Variants in DYNC2I1 observed in about 807,000 individuals in gnomAD.
DYNC2I1 encodes dynein 2 intermediate chain 1.
A neutral mutation model predicts 133.4 loss-of-function variants in DYNC2I1; 89 were observed. The ratio of observed to expected loss-of-function variants is 0.67; its 90% CI spans 0.56 to 0.80. The LOEUF is 0.80. Ranked by LOEUF, DYNC2I1 falls within the 30% of genes least tolerant of loss-of-function variation. The pLI is 0.00. For synonymous variants in DYNC2I1, 504 were observed against 484.3 expected (o/e 1.04, Z -0.54); for missense variants, 1,291 against 1,314.5 (o/e 0.98, Z 0.28).
At chr7:158,947,915 A>G (rs1376686317), downstream of DYNC2I1, among the ~76,000 whole-genome samples, 2 of 152,206 alleles carry the variant, frequency 1.3e-5, no homozygotes, top group South Asian at 2.1e-4. Flanking sequence ...ATGTCCTTGA[A>G]TGTGTCCTTC....
chr7:158,957,839 C>G (rs954239823), downstream of DYNC2I1, among the ~76,000 whole-genome samples: 4 of 152,138 alleles, frequency 2.6e-5, no homozygotes, highest in African/African-American at 9.7e-5. Flanking sequence ...TGTTTAGCTA[C>G]GTGCTGTATC....
downstream of DYNC2I1, among the ~76,000 whole-genome samples, chr7:158,947,112 A>G (rs181946255): frequency 5.9e-5 from 9 of 152,326 alleles, no homozygotes; most frequent in East Asian, 1.5e-3. Context: ...GTCTTAGCCA[A>G]TCCTCATTCA....
chr7:158,865,330 A>G (rs780019115), intron 1 of DYNC2I1, among the ~76,000 whole-genome samples: 18 of 152,226 alleles, frequency 1.2e-4, no homozygotes, highest in Admixed American at 6.5e-4. Flanking sequence ...CATCTGTTTT[A>G]TTCGGGAGGC....
At chr7:158,864,343 GTC>G (rs1209708993) in intron 1 of DYNC2I1, among the ~76,000 whole-genome samples, 1 of 152,006 alleles carries the variant, frequency 6.6e-6, no homozygotes, top group Non-Finnish European at 1.5e-5. Flanking sequence ...GGGCCGCGGT[GTC>G]TCTGTCATGT....
chr7:158,889,065 A>C (rs979502989), intron 7 of DYNC2I1, among the ~76,000 whole-genome samples: 25 of 120,278 alleles, frequency 2.1e-4, no homozygotes, highest in Admixed American at 4.3e-4. Flanking sequence ...ACACACACAC[A>C]CCCCTCCTGT....
At chr7:158,912,269 C>T (rs1048681828) in intron 12 of DYNC2I1, among the ~76,000 whole-genome samples, 14 of 152,176 alleles carry the variant, frequency 9.2e-5, no homozygotes, top group African/African-American at 3.4e-4. Context: ...ATGTGATGGT[C>T]TCACTTCACA....
Position 158,926,469 on chromosome 7 carries a change from T to C in DYNC2I1, c.2433+6T>C. ...GTGGGGTTCTCAATGTATGGGTGAG[T>C]AGTGGCCCAGGCCGGGCACATGCGG... On this transcript the variant is annotated splice_donor_region_variant and intron_variant, in intron 19 of 24. Transcript: ENST00000407559. The C allele has an allele frequency of 6.2e-7, 1 of 1,612,264 alleles. No homozygotes were observed. The highest frequency in any genetic ancestry group is 8.5e-7 in the Non-Finnish European group (1 of 1,179,212).
At chr7:158,876,558 T>C in intron 3 of DYNC2I1, 51 bp from the exon 4 acceptor site, 1 of 1,509,208 alleles carries the variant, frequency 6.6e-7, no homozygotes, top group Non-Finnish European at 8.8e-7. Context: ...AAAAGAGTTT[T>C]TTGATGTGCT....
chr7:158,907,165 A>G (rs1001759595), intron 11 of DYNC2I1, among the ~76,000 whole-genome samples: 2 of 74,870 alleles, frequency 2.7e-5, no homozygotes, highest in Non-Finnish European at 4.3e-5. Flanking sequence ...CTCAAAAAAG[A>G]AAAAAAAAAA....
chr7:158,949,995 T>C (rs1585275597), downstream of DYNC2I1, among the ~76,000 whole-genome samples: 3 of 152,130 alleles, frequency 2.0e-5, no homozygotes, highest in South Asian at 6.2e-4. Flanking sequence ...GGTCTCGAAC[T>C]CCCAACCTCA....
intron 2 of DYNC2I1, among the ~76,000 whole-genome samples, chr7:158,870,646 A>G (rs1175104726): frequency 6.6e-6 from 1 of 152,008 alleles, no homozygotes; most frequent in Non-Finnish European, 1.5e-5. Context: ...GTGCTGGGAT[A>G]ATAGGTGTGA....
intron 17 of DYNC2I1, among the ~76,000 whole-genome samples, chr7:158,924,905 C>T (rs1849465594): frequency 6.6e-6 from 1 of 152,094 alleles, no homozygotes; most frequent in African/African-American, 2.4e-5. Context: ...CAGGTGCCCA[C>T]CACCAGTGCT....
At chr7:158,859,773 C>A (rs1166632225) in intron 1 of DYNC2I1, among the ~76,000 whole-genome samples, 1 of 152,158 alleles carries the variant, frequency 6.6e-6, no homozygotes. Flanking sequence ...GCATGAGCCA[C>A]TGTGCCAGGC....
intron 8 of DYNC2I1, among the ~76,000 whole-genome samples, chr7:158,896,821 G>A (rs1020804229): frequency 1.0e-4 from 15 of 149,918 alleles, no homozygotes; most frequent in African/African-American, 3.4e-4. Context: ...GTACAATTGT[G>A]TTGCAGATTT....
In DYNC2I1 at chr7:158,884,546, T is replaced by A; in HGVS notation, c.880-18T>A. ...ATATGCTAATAAATGGTTATGGGAT[T>A]ATATTTTTGTTTGATAGAATGGTGA... On this transcript the variant is annotated intron_variant, in intron 5 of 24. Coordinates refer to ENST00000407559, the MANE Select transcript of DYNC2I1 (RefSeq NM_018051.5). 1 of 1,608,348 alleles carries A rather than the reference T, an allele frequency of 6.2e-7. No homozygotes were observed. The highest frequency in any genetic ancestry group is 8.5e-7 in the Non-Finnish European group (1 of 1,177,304).
intron 5 of DYNC2I1, among the ~76,000 whole-genome samples, chr7:158,883,221 T>C (rs908133923): frequency 5.2e-4 from 77 of 148,540 alleles, no homozygotes; most frequent in African/African-American, 1.7e-3. Flanking sequence ...TCTTCTTCTT[T>C]TTTTTTTTTT....
At chr7:158,892,961 G>A (rs1319402497) in intron 8 of DYNC2I1, among the ~76,000 whole-genome samples, 1 of 150,178 alleles carries the variant, frequency 6.7e-6, no homozygotes, top group African/African-American at 2.4e-5. Context: ...AAAAAATTGA[G>A]AGGAAGATAC....
At chr7:158,928,483 G>A (rs549020766) in intron 20 of DYNC2I1, among the ~76,000 whole-genome samples, 2 of 152,338 alleles carry the variant, frequency 1.3e-5, no homozygotes, top group African/African-American at 2.4e-5. Context: ...GTAGTCACAC[G>A]TCTGTGGTGG....
chr7:158,925,795 C>T (rs933758700), intron 17 of DYNC2I1, among the ~76,000 whole-genome samples: 2 of 152,168 alleles, frequency 1.3e-5, no homozygotes, highest in Non-Finnish European at 2.9e-5. Flanking sequence ...CCGTGCTGCT[C>T]CGACCTCCTC....
Sources: allele counts gnomAD v4.1 joint callset (sites outside exome capture counted in the v4.1 genomes callset), GRCh38; gene constraint gnomAD v4.1.1; transcripts MANE v1.5; gene names NCBI Gene and HGNC (gene_info 2026-07-23, HGNC 2026-07-21).